The following ZNF106 variants were observed in gnomAD, a reference collection of about 807,000 sequenced individuals.
ZNF106 encodes the protein zinc finger protein 106.
Under a neutral mutation model 195.1 loss-of-function variants are expected in ZNF106, and 67 were observed. The ratio of observed to expected loss-of-function variants is 0.34; its 90% CI spans 0.28 to 0.42. The LOEUF is 0.42. Ranked by LOEUF, ZNF106 falls within the 10% of genes least tolerant of loss-of-function variation. ZNF106 has a pLI of 1.00. For synonymous variants in ZNF106, 784 were observed against 818.6 expected, an observed-to-expected ratio of 0.96 and a Z score of 0.72; for missense variants, 2,118 against 2,304.5, an observed-to-expected ratio of 0.92 and a Z score of 1.66.
At chr15:42,459,979 G>A (rs2056350442) in intron 3 of ZNF106, among the ~76,000 whole-genome samples, 1 of 151,472 alleles carries the variant, frequency 6.6e-6, no homozygotes, top group African/African-American at 2.4e-5. Context: ...GGAGGTGGAG[G>A]TTGCAGTGAG....
chr15:42,439,477 G>T lies in ZNF106; in HGVS notation c.4100C>A (p.Ala1367Asp). The change falls in exon 11 of 22, where the codon GCT becomes GAT. Residue 1367 changes from alanine (A) to aspartate (D), a missense_variant. By Grantham distance (126) the Ala-to-Asp change is moderately radical (BLOSUM62 -2). Coordinates refer to ENST00000564754, the MANE Select transcript of ZNF106 (RefSeq NM_001366845.3). ...EQQAESTLTS[A>D]ETRGSKKKKK... ...CTTTTTCTTGCTTCCCCTAGTCTCAGCTGATGTCAAAGTGGATTCTGCCTG... is the reference window on the plus strand; with the variant it reads ...CTTTTTCTTGCTTCCCCTAGTCTCATCTGATGTCAAAGTGGATTCTGCCTG... 6.2e-7 allele frequency: 1 copy of T among 1,614,088 alleles called. No homozygotes were observed. The highest frequency in any genetic ancestry group is 8.5e-7 in the Non-Finnish European group (1 of 1,180,032).
chr15:42,421,945 A>G lies in ZNF106; in HGVS notation c.5417T>C (p.Ile1806Thr). Residue 1806 changes from isoleucine (I) to threonine (T), a missense_variant, in exon 19 of 22, where the codon ATT becomes ACT. Physicochemically the swap from Ile to Thr is moderately conservative, Grantham distance 89. Transcript: ENST00000564754. ...GCTTTTATGGATGGTCATACACATA[A>G]TCATGTCTTTGTGTCCTCCATAAAC... Reference protein sequence around the residue: ...LQVYGGHKDMIMCMTIHKSMI... With the variant: ...LQVYGGHKDMTMCMTIHKSMI... 6.3e-7 allele frequency: 1 copy of G among 1,586,616 alleles called. No individual in the cohort carries two copies. Among genetic ancestry groups the G allele is most frequent in the Non-Finnish European group, 8.6e-7 (1 of 1,163,954 alleles).
At position 42,433,385 on chromosome 15, in the gene ZNF106, G is replaced by A. The variant is rs764002285; in HGVS notation, c.4881+1999C>T. On this transcript the variant is annotated intron_variant, in intron 14 of 21. Coordinates refer to ENST00000564754, the MANE Select transcript of ZNF106 (RefSeq NM_001366845.3). ...CTCCCAAAGTGCTGGGATTACAGGC[G>A]TGAGCCACCGCGCCCAGCCTTAAGT... Among the ~76,000 whole-genome samples, 78 of 151,994 alleles carry A rather than the reference G, an allele frequency of 5.1e-4. 1 individual carries two copies. Among genetic ancestry groups the A allele is most frequent in the Non-Finnish European group, 1.0e-3 (69 of 67,998 alleles).
chr15:42,435,726 T>C (rs2055250200), intron 13 of ZNF106, among the ~76,000 whole-genome samples: 1 of 152,122 alleles, frequency 6.6e-6, no homozygotes, highest in Admixed American at 6.5e-5. Flanking sequence ...TCTGAAAGTA[T>C]ATGTTAGTTG....
intron 4 of ZNF106, among the ~76,000 whole-genome samples, chr15:42,456,462 A>G (rs1028072527): frequency 6.6e-6 from 1 of 152,104 alleles, no homozygotes; most frequent in Non-Finnish European, 1.5e-5. Flanking sequence ...CAGCCTGGCT[A>G]ATGGGGTTAA....
Position 42,421,428 on chromosome 15 carries a change from T to G in ZNF106, c.5446-296A>C, listed in dbSNP as rs553200728. On this transcript the variant is annotated intron_variant, in intron 19 of 21. Coordinates refer to ENST00000564754, the MANE Select transcript of ZNF106 (RefSeq NM_001366845.3). ...GGTAGCCCTGGTTTCTATCGGGTGCTCTATGTTAGGCACCTGTATTTCCCT... is the reference window on the plus strand; with the variant it reads ...GGTAGCCCTGGTTTCTATCGGGTGCGCTATGTTAGGCACCTGTATTTCCCT... 3.9e-5 allele frequency among the ~76,000 whole-genome samples: 6 copies of G among 152,278 alleles called. No homozygotes were observed. In the South Asian group the frequency reaches 1.0e-3, roughly 26 times the overall value.
chr15:42,481,362 T>TG (rs1395185329), intron 1 of ZNF106, among the ~76,000 whole-genome samples: 290 of 141,286 alleles, frequency 2.1e-3, no homozygotes, highest in African/African-American at 2.8e-3. Context: ...TTGTTGTTTT[T>TG]TTTTTTTTTT....
intron 1 of ZNF106, among the ~76,000 whole-genome samples, chr15:42,489,468 C>T (rs572698728): frequency 4.6e-5 from 7 of 152,176 alleles, no homozygotes; most frequent in East Asian, 2.0e-4. Flanking sequence ...TGAGCCATCG[C>T]GCCTGGCCCC....
rs2055712571 is a variant in ZNF106, at chr15:42,444,934, C to T, written c.3253G>A (p.Glu1085Lys). 1 of 1,614,196 alleles carries T rather than the reference C, an allele frequency of 6.2e-7. No homozygotes were observed. Residue 1085 changes from glutamate (E) to lysine (K), a missense_variant, in exon 8 of 22, where the codon GAA becomes AAA. Physicochemically the swap from Glu to Lys is moderately conservative, Grantham distance 56 (BLOSUM62 1). Coordinates refer to ENST00000564754, the MANE Select transcript of ZNF106 (RefSeq NM_001366845.3). ...QLLNISLREE[E>K]LSKSLQCMDN... is the part of the protein sequence containing the mutation. Reference sequence around the variant, plus strand: ...ATGCACTGCAATGACTTACTAAGTTCTTCCTCCCTTAAAGAAATATTCAGC... The same window carrying T: ...ATGCACTGCAATGACTTACTAAGTTTTTCCTCCCTTAAAGAAATATTCAGC...
chr15:42,484,886 G>A (rs1007412093), intron 1 of ZNF106, among the ~76,000 whole-genome samples: 23 of 152,026 alleles, frequency 1.5e-4, no homozygotes, highest in South Asian at 1.2e-3. Flanking sequence ...TTGACCAGGC[G>A]CGGTAGCTCA....
At chr15:42,417,762 A>G (rs745613925) in intron 21 of ZNF106, 43 bp downstream of exon 21, 3 of 1,580,484 alleles carry the variant, frequency 1.9e-6, no homozygotes, top group Admixed American at 1.9e-5. Context: ...TGCTCTGAGC[A>G]GTCTACTGAA....
At position 42,450,741 on chromosome 15, in the gene ZNF106, TTGAGTG is replaced by T; in HGVS notation, c.1525_1530del (p.His509_Ser510del). The T allele has an allele frequency of 6.2e-7, 1 of 1,614,246 alleles. No homozygotes were observed. The highest frequency in any genetic ancestry group is 8.5e-7 in the Non-Finnish European group (1 of 1,180,046). On this transcript the variant is annotated inframe_deletion, in exon 5 of 22. Coordinates refer to ENST00000564754, the MANE Select transcript of ZNF106 (RefSeq NM_001366845.3). ...TCCACAGTGGGCTTGTTCGAGGGAT[TTGAGTG>T]TTCTCCAGGGGAAAAAAAATTTGTT... is the stretch of plus-strand genomic sequence containing the variant.
chr15:42,430,796 T>C (rs1030196274), intron 14 of ZNF106, among the ~76,000 whole-genome samples: 22 of 152,122 alleles, frequency 1.4e-4, no homozygotes, highest in Non-Finnish European at 2.9e-4. Context: ...TACCAAAATA[T>C]GCTTACAATT....
At chr15:42,435,661 C>G in intron 13 of ZNF106, 143 bp from the exon 14 acceptor site, 1 of 979,912 alleles carries the variant, frequency 1.0e-6, no homozygotes, top group Non-Finnish European at 1.5e-6. Flanking sequence ...ACAAAAGATG[C>G]TCAGTAAATG....
In ZNF106 at chr15:42,414,852, C is replaced by G. The variant is rs951289411; in HGVS notation, c.*2452G>C. The G allele has an allele frequency of 6.6e-6, 1 of 152,218 alleles. No individual in the cohort carries two copies. Among genetic ancestry groups the G allele is most frequent in the Non-Finnish European group, 1.5e-5 (1 of 68,046 alleles). The allele number at this position is 152,218 out of a possible 1,614,324, so 9.4% of individuals were successfully genotyped here. ...CAGATGCATTTTCCCGGGAAATGAC[C>G]ATTCCCAAACCCACAGAACAGTTTG... On this transcript the variant is annotated 3_prime_UTR_variant, in exon 22 of 22. Transcript: ENST00000564754.
rs368312206 is a variant in ZNF106, at chr15:42,450,683, C to T, written c.1589G>A (p.Arg530His). 1.5e-5 allele frequency: 25 copies of T among 1,613,978 alleles called. No homozygotes were observed. In the African/African-American group the frequency reaches 2.8e-4, roughly 18 times the overall value. The change falls in exon 5 of 22, where the codon CGT (arginine) becomes CAT (histidine). Residue 530 changes from arginine to histidine, a missense_variant. Arg to His is a conservative substitution (Grantham distance 29, BLOSUM62 0). Transcript: ENST00000564754. ...DNHGPYISKL[R>H]SSCPHVLKGN... Reference sequence around the variant, plus strand: ...TTTTAAAACATGAGGACATGAACTACGCAGTTTGGATATGTAAGGACCATG... The same window carrying T: ...TTTTAAAACATGAGGACATGAACTATGCAGTTTGGATATGTAAGGACCATG...
rs1386363630 is a variant in ZNF106 at position 42,437,217 on chromosome 15, G to A, written c.4746+15C>T. On this transcript the variant is annotated intron_variant, in intron 13 of 21. Coordinates refer to ENST00000564754, the MANE Select transcript of ZNF106 (RefSeq NM_001366845.3). ...ACCTGCAACCAAAAACATTCTACAT[G>A]TTCTATCAACTTACCACCAGATTAT... The A allele has an allele frequency of 3.1e-6, 5 of 1,602,598 alleles. No individual in the cohort carries two copies. Among genetic ancestry groups the A allele is most frequent in the African/African-American group, 1.3e-5 (1 of 74,378 alleles).
In ZNF106 at chr15:42,417,165, C is replaced by T; in HGVS notation, c.*139G>A. 1 of 814,162 alleles carries T rather than the reference C, an allele frequency of 1.2e-6. No individual in the cohort carries two copies. 50.4% of individuals were successfully genotyped at this position (814,162 alleles called of 1,614,324 possible). On this transcript the variant is annotated 3_prime_UTR_variant, in exon 22 of 22. Transcript: ENST00000564754. ...TTATCATCCCATAGAGCTGCCCAGA[C>T]TTATGCTAGGGGTATGCCTGGCTAG...
At chr15:42,421,224 T>A in intron 19 of ZNF106, 92 bp from the exon 20 acceptor site, 1 of 1,193,928 alleles carries the variant, frequency 8.4e-7, no homozygotes, top group Middle Eastern at 2.2e-4. Flanking sequence ...TTGCAGCAGC[T>A]ACAAGAAAAC....
Sources: allele counts gnomAD v4.1 joint callset (sites outside exome capture counted in the v4.1 genomes callset), GRCh38; gene constraint gnomAD v4.1.1; transcripts MANE v1.5; gene names NCBI Gene and HGNC (gene_info 2026-07-23, HGNC 2026-07-21).